OPHN1: variants seen among roughly 807,000 people sequenced by gnomAD.
OPHN1 encodes the protein oligophrenin-1.
Under a neutral mutation model 60.7 loss-of-function variants are expected in OPHN1, and 11 were observed. The ratio of observed to expected loss-of-function variants is 0.18; its 90% CI spans 0.11 to 0.30. OPHN1 has a LOEUF of 0.30. OPHN1 is among the 10% of genes least tolerant of loss of function. OPHN1 has a pLI of 1.00. For missense variants in OPHN1, 449 were observed against 611.0 expected, an observed-to-expected ratio of 0.73 and a Z score of 2.80; for synonymous variants, 226 against 222.6, an observed-to-expected ratio of 1.02 and a Z score of -0.14.
At chrX:68,154,297 G>C (rs1219276033) in intron 15 of OPHN1, among the ~76,000 whole-genome samples, 1 of 112,329 alleles carries the variant, frequency 8.9e-6, no homozygotes, top group Non-Finnish European at 1.9e-5. Context: ...AGATGGCAGG[G>C]ACAAGGTTTT....
intron 15 of OPHN1, among the ~76,000 whole-genome samples, chrX:68,168,104 C>A (rs779328813): frequency 2.4e-3 from 263 of 110,530 alleles, no homozygotes; most frequent in Middle Eastern, 0.019. Context: ...CGAGACAGAA[C>A]GTTAACAAGG....
intron 2 of OPHN1, among the ~76,000 whole-genome samples, chrX:68,402,202 G>GGACTGTCTTT (rs1439239600): frequency 9.1e-6 from 1 of 109,904 alleles, no homozygotes; most frequent in African/African-American, 3.3e-5. Context: ...AGACACTGCT[G>GGACTGTCTTT]GAGGTAAATC....
chrX:68,217,280 G>A (rs1184031703), intron 6 of OPHN1, among the ~76,000 whole-genome samples: 2 of 112,137 alleles, frequency 1.8e-5, no homozygotes, highest in African/African-American at 3.2e-5. Flanking sequence ...AGGATCCTAC[G>A]CCCACGCAGT....
chrX:68,093,956 T>C lies in OPHN1; in HGVS notation c.1686+2914A>G, dbSNP rs1347010919. Among the ~76,000 whole-genome samples, 4 of 111,104 alleles carry C rather than the reference T, an allele frequency of 3.6e-5. No homozygotes were observed. The Admixed American group carries it at 3.8e-4, about 11-fold the overall frequency. On this transcript the variant is annotated intron_variant, in intron 19 of 24. Transcript: ENST00000355520. ...TTGATTTTTTTTCTTTAATGGATTA[T>C]GCTTTTGGTATCATGTCTCCTCAAT...
At chrX:68,187,207 G>A (rs2077466563) in intron 15 of OPHN1, among the ~76,000 whole-genome samples, 1 of 111,715 alleles carries the variant, frequency 9.0e-6, no homozygotes, top group African/African-American at 3.3e-5. Context: ...GTTCCCAAAG[G>A]TGTCCACATA....
chrX:68,115,067 GCAGT>G (rs2077121459), intron 16 of OPHN1, among the ~76,000 whole-genome samples: 1 of 112,132 alleles, frequency 8.9e-6, no homozygotes, highest in Non-Finnish European at 1.9e-5. Flanking sequence ...TGGCAAACTG[GCAGT>G]CAAACAGCTA....
intron 19 of OPHN1, among the ~76,000 whole-genome samples, chrX:68,088,076 C>G (rs1472323940): frequency 9.0e-6 from 1 of 111,296 alleles, no homozygotes; most frequent in Non-Finnish European, 1.9e-5. Context: ...CCTGTCTAGT[C>G]CTACTCATCC....
At chrX:68,113,685 A>G (rs1355775101) in intron 16 of OPHN1, among the ~76,000 whole-genome samples, 1 of 109,557 alleles carries the variant, frequency 9.1e-6, no homozygotes, top group African/African-American at 3.3e-5. Flanking sequence ...CATTTAGTCA[A>G]AAAACATTCT....
intron 2 of OPHN1, among the ~76,000 whole-genome samples, chrX:68,327,788 T>A (rs866799110): frequency 0.021 from 971 of 46,810 alleles, 23 homozygotes; most frequent in Non-Finnish European, 0.025. Flanking sequence ...AAATAAAAAA[T>A]AAAAAAAATA....
intron 2 of OPHN1, among the ~76,000 whole-genome samples, chrX:68,317,679 G>A (rs2078215572): frequency 9.7e-6 from 1 of 103,341 alleles, no homozygotes; most frequent in African/African-American, 3.5e-5. Flanking sequence ...GGAGGAGGAG[G>A]AGGAAGGGAG....
At chrX:68,308,073 C>G (rs1438120897) in intron 2 of OPHN1, among the ~76,000 whole-genome samples, 1 of 112,209 alleles carries the variant, frequency 8.9e-6, no homozygotes, top group Non-Finnish European at 1.9e-5. Flanking sequence ...ATCACTAAGA[C>G]AGGAGTTTTA....
intron 15 of OPHN1, among the ~76,000 whole-genome samples, chrX:68,141,903 TTAAAGAAAGAAA>T (rs1169533054): frequency 8.0e-5 from 6 of 75,353 alleles, no homozygotes; most frequent in African/African-American, 3.0e-4. Context: ...GTGATGTTAA[TTAAAGAAAGAAA>T]GAAAGAAAGA....
At position 68,392,928 on chromosome X, in the gene OPHN1, G is replaced by A. The variant is rs960343423; in HGVS notation, c.154+39939C>T. 6.3e-5 allele frequency among the ~76,000 whole-genome samples: 7 copies of A among 110,752 alleles called. No homozygotes were observed. The Admixed American group carries it at 6.7e-4, about 11-fold the overall frequency. On this transcript the variant is annotated intron_variant, in intron 2 of 24. Transcript: ENST00000355520. ...CCCTGCATTCATCCTTCAAGTTCGT[G>A]TGTGACTCGATTCTTCCGGGACACT...
chrX:68,243,864 G>C (rs1209399853), intron 5 of OPHN1, among the ~76,000 whole-genome samples: 1 of 111,655 alleles, frequency 9.0e-6, no homozygotes, highest in African/African-American at 3.3e-5. Flanking sequence ...TATTTTACTG[G>C]GTTATGTGAA....
At chrX:68,392,517 T>C (rs1011244272) in intron 2 of OPHN1, among the ~76,000 whole-genome samples, 9 of 109,785 alleles carry the variant, frequency 8.2e-5, no homozygotes, top group African/African-American at 3.0e-4. Flanking sequence ...AGGCAAATAC[T>C]GGATGGAAGA....
intron 15 of OPHN1, among the ~76,000 whole-genome samples, chrX:68,122,830 C>T (rs995007227): frequency 3.4e-4 from 37 of 110,310 alleles, no homozygotes; most frequent in African/African-American, 1.1e-3. Flanking sequence ...TGAAAAACAA[C>T]GAAGCATGAC....
chrX:68,400,419 T>TA (rs944491375), intron 2 of OPHN1, among the ~76,000 whole-genome samples: 1 of 109,175 alleles, frequency 9.2e-6, no homozygotes, highest in Admixed American at 9.9e-5. Context: ...CACACTGCTA[T>TA]AAAAAAAATG....
In OPHN1 at chrX:68,053,747, G is replaced by C. The variant is rs1165039406; in HGVS notation, c.2222C>G (p.Pro741Arg). 1.7e-6 allele frequency: 2 copies of C among 1,208,371 alleles called. No homozygotes were observed. Among genetic ancestry groups the C allele is most frequent in the African/African-American group, 3.5e-5 (2 of 56,822 alleles). Residue 741 changes from proline (P) to arginine (R), a missense_variant, in exon 22 of 25, where the codon CCA becomes CGA. Pro to Arg is a moderately radical substitution (Grantham distance 103, BLOSUM62 -2). This residue lies in a region of OPHN1 where 184 missense variants were observed against 160.5 expected (regional missense o/e 1.15). Coordinates refer to ENST00000355520, the MANE Select transcript of OPHN1 (RefSeq NM_002547.3). ...GCAGGGAGGATCTGGGGGCCTCACT[G>C]GGGGGCGGATGATGGTTGGCTTTTC... ...PGEKPTIIRPPVRPPDPPCRA... is the reference protein window; with the variant it reads ...PGEKPTIIRPRVRPPDPPCRA...
At chrX:68,090,347 A>C (rs1047920264) in intron 19 of OPHN1, among the ~76,000 whole-genome samples, 1 of 110,569 alleles carries the variant, frequency 9.0e-6, no homozygotes, top group East Asian at 2.8e-4. Context: ...TAAAATCTAT[A>C]AAGTATAACT....
Sources: gnomAD v4.1 joint callset for allele counts (sites outside exome capture counted in the v4.1 genomes callset) on GRCh38, gnomAD v4.1.1 for gene constraint, gnomAD v4.1.1 regional missense constraint, MANE v1.5 for transcripts, NCBI Gene and HGNC (gene_info 2026-07-23, HGNC 2026-07-21) for gene names.